Variants in LHFPL3 observed in about 807,000 individuals in gnomAD.
LHFPL3 encodes LHFPL tetraspan subfamily member 3.
A neutral mutation model predicts 19.3 loss-of-function variants in LHFPL3; 5 were observed. The observed-to-expected ratio is 0.26, with a 90% CI of 0.14 to 0.54. The LOEUF (loss-of-function observed/expected upper bound fraction) is 0.54, where lower values mean the gene tolerates loss of function less well. Ranked by LOEUF, LHFPL3 falls within the 20% of genes least tolerant of loss-of-function variation. The pLI, the probability that LHFPL3 is intolerant of heterozygous loss-of-function variation, is 0.94. For synonymous variants in LHFPL3, 133 were observed against 126.2 expected, an observed-to-expected ratio of 1.05 and a Z score of -0.36; for missense variants, 249 against 307.4, an observed-to-expected ratio of 0.81 and a Z score of 1.42.
At chr7:104,889,663 T>C (rs1285127953) in intron 2 of LHFPL3, among the ~76,000 whole-genome samples, 1 of 152,126 alleles carries the variant, frequency 6.6e-6, no homozygotes, top group African/African-American at 2.4e-5. Context: ...AGGAAAGTAT[T>C]GGCTTTTCCA....
At chr7:104,689,720 G>A (rs907772483) in intron 1 of LHFPL3, among the ~76,000 whole-genome samples, 3 of 152,222 alleles carry the variant, frequency 2.0e-5, no homozygotes, top group African/African-American at 7.2e-5. Flanking sequence ...CACTGGCTCT[G>A]AGCTGATGTT....
chr7:104,595,928 T>C (rs1027028892), intron 1 of LHFPL3, among the ~76,000 whole-genome samples: 4 of 152,232 alleles, frequency 2.6e-5, no homozygotes, highest in Non-Finnish European at 4.4e-5. Context: ...CAACAGAATA[T>C]TGGGGCAGGA....
chr7:104,370,297 C>T (rs1790587025), intron 1 of LHFPL3, among the ~76,000 whole-genome samples: 1 of 152,202 alleles, frequency 6.6e-6, no homozygotes, highest in Non-Finnish European at 1.5e-5. Context: ...ACTACTGCTA[C>T]TGGAACTTGC....
In LHFPL3 at chr7:104,850,484, C is replaced by T. The variant is rs571030536; in HGVS notation, c.683-55703C>T. The stretch of plus-strand genomic sequence containing the variant: ...GTTTTCTGAGCCCCAACAACTGCTT[C>T]CCCAGACATCCACCTCCTAGACAGA... On this transcript the variant is annotated intron_variant, in intron 2 of 2. Transcript: ENST00000424859. Among the ~76,000 whole-genome samples the T allele has an allele frequency of 2.0e-5, 3 of 152,246 alleles. No individual in the cohort carries two copies. In the South Asian group the frequency reaches 6.2e-4, roughly 32 times the overall value.
intron 1 of LHFPL3, among the ~76,000 whole-genome samples, chr7:104,365,797 A>AAAAAAAAAAAAAAAG (rs1554381866): frequency 2.4e-5 from 3 of 125,968 alleles, no homozygotes; most frequent in Admixed American, 9.4e-5. Flanking sequence ...CAAAAAAAAA[A>AAAAAAAAAAAAAAAG]AAAAAAAAGA....
At chr7:104,514,801 T>C (rs1243792282) in intron 1 of LHFPL3, among the ~76,000 whole-genome samples, 1 of 152,186 alleles carries the variant, frequency 6.6e-6, no homozygotes, top group Non-Finnish European at 1.5e-5. Flanking sequence ...TTAAATTCTC[T>C]AGGGTGATTG....
At chr7:104,405,727 T>A (rs765125353) in intron 1 of LHFPL3, among the ~76,000 whole-genome samples, 2 of 152,178 alleles carry the variant, frequency 1.3e-5, no homozygotes, top group Non-Finnish European at 2.9e-5. Flanking sequence ...TTGGCAACAT[T>A]GTAACTCTAA....
intron 1 of LHFPL3, among the ~76,000 whole-genome samples, chr7:104,671,905 G>T (rs537048958): frequency 6.6e-6 from 1 of 152,222 alleles, no homozygotes; most frequent in Admixed American, 6.5e-5. Flanking sequence ...TAATATCAAT[G>T]TCCCTATTTC....
chr7:104,794,399 C>G (rs1790078292), intron 2 of LHFPL3, among the ~76,000 whole-genome samples: 1 of 152,130 alleles, frequency 6.6e-6, no homozygotes, highest in Non-Finnish European at 1.5e-5. Flanking sequence ...GAACTGAAAG[C>G]TATATAAATT....
chr7:104,689,881 A>G (rs1234446216), intron 1 of LHFPL3, among the ~76,000 whole-genome samples: 2 of 152,222 alleles, frequency 1.3e-5, no homozygotes, highest in East Asian at 3.9e-4. Context: ...CCCCAGGGCC[A>G]GAATGCATAA....
chr7:104,898,150 C>T (rs2116721549), intron 2 of LHFPL3, among the ~76,000 whole-genome samples: 1 of 151,694 alleles, frequency 6.6e-6, no homozygotes, highest in South Asian at 2.1e-4. Flanking sequence ...GCTGGGATTA[C>T]AGGCACCCAC....
chr7:104,625,566 A>T (rs1042475887), intron 1 of LHFPL3, among the ~76,000 whole-genome samples: 7 of 152,144 alleles, frequency 4.6e-5, no homozygotes, highest in Non-Finnish European at 1.0e-4. Context: ...TTTTTTTTTA[A>T]TCATAAAGGA....
At chr7:104,425,334 G>A (rs1190697891) in intron 1 of LHFPL3, among the ~76,000 whole-genome samples, 2 of 151,848 alleles carry the variant, frequency 1.3e-5, no homozygotes, top group East Asian at 1.9e-4. Context: ...ATTCCAACAC[G>A]TAGTTTTGTG....
chr7:104,646,806 T>A (rs1791943991), intron 1 of LHFPL3, among the ~76,000 whole-genome samples: 1 of 152,208 alleles, frequency 6.6e-6, no homozygotes, highest in African/African-American at 2.4e-5. Context: ...GCTAATAGAA[T>A]CTATTTGATT....
At chr7:104,557,819 C>T (rs1789880160) in intron 1 of LHFPL3, among the ~76,000 whole-genome samples, 1 of 149,924 alleles carries the variant, frequency 6.7e-6, no homozygotes, top group Non-Finnish European at 1.5e-5. Flanking sequence ...CCAATGCTAT[C>T]CCTCCCCACT....
chr7:104,674,495 A>T (rs1023423234), intron 1 of LHFPL3, among the ~76,000 whole-genome samples: 1 of 151,604 alleles, frequency 6.6e-6, no homozygotes, highest in Admixed American at 6.6e-5. Context: ...CAGCCTCCCA[A>T]GTAGCTGGGA....
At chr7:104,493,884 G>A (rs949788968) in intron 1 of LHFPL3, among the ~76,000 whole-genome samples, 1 of 151,950 alleles carries the variant, frequency 6.6e-6, no homozygotes, top group Non-Finnish European at 1.5e-5. Context: ...GTAAGCACTT[G>A]AAATATAACT....
chr7:104,817,304 T>C (rs1452094966), intron 2 of LHFPL3, among the ~76,000 whole-genome samples: 1 of 152,186 alleles, frequency 6.6e-6, no homozygotes, highest in Non-Finnish European at 1.5e-5. Context: ...CAGATTTTTT[T>C]CAACCTCACC....
rs544525689 is a variant in LHFPL3, at chr7:104,665,935, G to A, written c.446-70740G>A. 2.0e-5 allele frequency among the ~76,000 whole-genome samples: 3 copies of A among 152,104 alleles called. No individual in the cohort carries two copies. The South Asian group carries it at 6.2e-4, about 32-fold the overall frequency. ...TCTTACTACGCAGTGTTCTCCCCCT[G>A]GGCTTAAAACCACAAACTCCAAACT... On this transcript the variant is annotated intron_variant, in intron 1 of 2. Transcript: ENST00000424859.
Sources: gnomAD v4.1 joint callset for allele counts (sites outside exome capture counted in the v4.1 genomes callset) on GRCh38, gnomAD v4.1.1 for gene constraint, MANE v1.5 for transcripts, NCBI Gene and HGNC (gene_info 2026-07-23, HGNC 2026-07-21) for gene names.